MTR: variants seen among roughly 807,000 people sequenced by gnomAD.
The protein encoded by MTR is 5-methyltetrahydrofolate-homocysteine methyltransferase.
MTR carries 84 observed loss-of-function variants against 154.8 expected under a neutral mutation model. The observed-to-expected ratio is 0.54, with a 90% CI of 0.45 to 0.65. The LOEUF (loss-of-function observed/expected upper bound fraction) is 0.65. Ranked by LOEUF, MTR falls within the 30% of genes least tolerant of loss-of-function variation. The pLI, the probability that MTR is intolerant of heterozygous loss-of-function variation, is 0.00. For synonymous variants in MTR, 554 were observed against 553.9 expected (o/e 1.00, Z 0.00); for missense variants, 1,275 against 1,570.2 (o/e 0.81, Z 3.18).
In MTR at chr1:236,897,308, A is replaced by ATGCGCGCG. The variant is rs57608445; in HGVS notation, c.3711+190_3711+191insTGCGCGCG. On this transcript the variant is annotated intron_variant, in intron 32 of 32. Transcript: ENST00000366577. ...TCACTTCTACATGCAAGCCACACAC[A>ATGCGCGCG]CGCACACACACACACACACACACAC... is the stretch of plus-strand genomic sequence containing the variant. Among the ~76,000 whole-genome samples, 778 of 131,484 alleles carry ATGCGCGCG rather than the reference A, an allele frequency of 5.9e-3. 10 individuals are homozygous for ATGCGCGCG. The highest frequency in any genetic ancestry group is 0.013 in the East Asian group (59 of 4,406). The allele number at this position is 131,484 out of a possible 152,430, so 86.3% of individuals were successfully genotyped here.
intron 15 of MTR, among the ~76,000 whole-genome samples, chr1:236,840,706 T>C (rs1418125123): frequency 6.6e-6 from 1 of 152,226 alleles, no homozygotes; most frequent in Non-Finnish European, 1.5e-5. Flanking sequence ...TATTAGTGGA[T>C]TAAAACTCCA....
chr1:236,874,974 A>G (rs1339503457), intron 24 of MTR, 128 bp downstream of exon 24: 37 of 1,090,392 alleles, frequency 3.4e-5, no homozygotes, highest in Non-Finnish European at 4.7e-5. Flanking sequence ...TGTTATATAA[A>G]CACAAACATT....
At position 236,895,364 on chromosome 1, in the gene MTR, G is replaced by T; in HGVS notation, c.3412G>T (p.Ala1138Ser). ...TGCTGCTTTGGGTCCCAAGGCCTTT[G>T]CAGAAGAGCTCCATGAAAGAGTTCG... The part of the protein sequence containing the change: ...ALGDRLAEAF[A>S]EELHERVRRE... The change falls in exon 31 of 33, where the codon GCA becomes TCA. Residue 1138 changes from alanine to serine, a missense_variant. Coordinates refer to ENST00000366577, the MANE Select transcript of MTR (RefSeq NM_000254.3). 1 of 1,596,318 alleles carries T rather than the reference G, an allele frequency of 6.3e-7. No homozygotes were observed. The highest frequency in any genetic ancestry group is 1.1e-5 in the South Asian group (1 of 88,074).
intron 18 of MTR, among the ~76,000 whole-genome samples, chr1:236,855,669 C>G (rs1043005609): frequency 6.6e-6 from 1 of 152,292 alleles, no homozygotes; most frequent in South Asian, 2.1e-4. Flanking sequence ...CCGTGAGGCC[C>G]CTGTGAGGCA....
chr1:236,844,156 T>A (rs1663425782), intron 15 of MTR, among the ~76,000 whole-genome samples: 1 of 151,850 alleles, frequency 6.6e-6, no homozygotes, highest in Admixed American at 6.6e-5. Flanking sequence ...AAGAGAGAGT[T>A]CCCTTGGAAG....
intron 13 of MTR, among the ~76,000 whole-genome samples, chr1:236,833,878 T>C (rs775919854): frequency 6.6e-6 from 1 of 152,352 alleles, no homozygotes; most frequent in Non-Finnish European, 1.5e-5. Flanking sequence ...TACTATCTTA[T>C]CTCCTGTCTG....
rs764075438 is a variant in MTR, at chr1:236,795,588, C to T, written c.-116C>T. The T allele has an allele frequency of 6.3e-6, 10 of 1,590,548 alleles. No homozygotes were observed. The highest frequency in any genetic ancestry group is 5.2e-5 in the Admixed American group (3 of 58,190). ...AGCCAACGGGAGGCGTCAAAAGACC[C>T]GGGCCTTGTGTGGCAGGCTCGCCTG... is the stretch of plus-strand genomic sequence containing the variant. On this transcript the variant is annotated 5_prime_UTR_variant, in exon 1 of 33. Transcript: ENST00000366577.
At chr1:236,843,143 C>T (rs1037375971) in intron 15 of MTR, among the ~76,000 whole-genome samples, 2 of 149,296 alleles carry the variant, frequency 1.3e-5, no homozygotes, top group South Asian at 2.1e-4. Flanking sequence ...GTGTTGAATA[C>T]GGTAAAGGGA....
At chr1:236,885,062 A>C in intron 25 of MTR, 59 bp from the exon 26 acceptor site, 1 of 1,046,296 alleles carries the variant, frequency 9.6e-7, no homozygotes, top group Non-Finnish European at 1.5e-6. Context: ...ATCAGCATTG[A>C]CCATTACTAC....
In MTR at chr1:236,810,584, A is replaced by G. The variant is rs768925414; in HGVS notation, c.491A>G (p.Tyr164Cys). 2.5e-6 allele frequency: 4 copies of G among 1,613,308 alleles called. No individual in the cohort carries two copies. Among genetic ancestry groups the G allele is most frequent in the South Asian group, 2.2e-5 (2 of 91,074 alleles). ...TCCCCATCTGTGGAAAGGCCGGATT[A>G]TAGGAACATCAGTGAGTATTTACCA... ...SVSPSVERPD[Y>C]RNITFDELVE... is the part of the protein sequence containing the mutation. The change falls in exon 5 of 33, where the codon TAT (tyrosine) becomes TGT (cysteine). Residue 164 changes from tyrosine (Y) to cysteine (C), a missense_variant. Physicochemically the swap from Tyr to Cys is radical, Grantham distance 194. Coordinates refer to ENST00000366577, the MANE Select transcript of MTR (RefSeq NM_000254.3).
intron 25 of MTR, among the ~76,000 whole-genome samples, chr1:236,884,483 A>G (rs1665911673): frequency 6.6e-6 from 1 of 152,188 alleles, no homozygotes; most frequent in African/African-American, 2.4e-5. Context: ...TTGTTGTGAA[A>G]GGATATAGGT....
In MTR at chr1:236,829,174, C is replaced by T; in HGVS notation, c.996-15C>T. 6.3e-7 allele frequency: 1 copy of T among 1,596,394 alleles called. No homozygotes were observed. Among genetic ancestry groups the T allele is most frequent in the Non-Finnish European group, 8.6e-7 (1 of 1,164,048 alleles). ...TTCTGAATTAATGGATACAATGTTT[C>T]CTCTTTCAACTCAGGGAAATTGCTG... is the stretch of plus-strand genomic sequence containing the variant. On this transcript the variant is annotated splice_polypyrimidine_tract_variant and intron_variant, in intron 11 of 32. Coordinates refer to ENST00000366577, the MANE Select transcript of MTR (RefSeq NM_000254.3).
chr1:236,820,015 C>G lies in MTR; in HGVS notation c.764+3472C>G, dbSNP rs994019736. 4 of 998,174 alleles carry G rather than the reference C, an allele frequency of 4.0e-6. No homozygotes were observed. In the Admixed American group the frequency reaches 6.7e-5, roughly 17 times the overall value. The allele number at this position is 998,174 out of a possible 1,614,324, so 61.8% of individuals were successfully genotyped here. A position where few individuals can be genotyped will look rare whatever the true frequency, so the allele number is the denominator to read the frequency against. ...CCATGGCTTCTTGTGGTTACTGACT[C>G]GAGGGCTGACCAGCAGCCTCTCATG... On this transcript the variant is annotated intron_variant, in intron 8 of 32. Coordinates refer to ENST00000366577, the MANE Select transcript of MTR (RefSeq NM_000254.3).
chr1:236,839,596 C>A (rs1252578376), intron 15 of MTR, among the ~76,000 whole-genome samples: 2 of 152,132 alleles, frequency 1.3e-5, no homozygotes, highest in East Asian at 3.9e-4. Context: ...TCGTTCATCT[C>A]TGTGATACAC....
intron 15 of MTR, among the ~76,000 whole-genome samples, chr1:236,846,795 C>T (rs1046310912): frequency 1.3e-5 from 2 of 152,124 alleles, no homozygotes; most frequent in African/African-American, 4.8e-5. Flanking sequence ...TGGAAACTTC[C>T]TTTTCTTCAG....
At position 236,900,929 on chromosome 1, in the gene MTR, C is replaced by T. The variant is rs1484856739; in HGVS notation, c.*3285C>T. ...TCGATGTGACTAGACTGAATATAGG[C>T]AGTTGGATACTAGACTTTGGAATTT... On this transcript the variant is annotated 3_prime_UTR_variant, in exon 33 of 33. Coordinates refer to ENST00000366577, the MANE Select transcript of MTR (RefSeq NM_000254.3). 6.6e-6 allele frequency: 1 copy of T among 152,586 alleles called. No homozygotes were observed. Among genetic ancestry groups the T allele is most frequent in the East Asian group, 1.9e-4 (1 of 5,198 alleles). The allele number at this position is 152,586 out of a possible 1,614,324, so 9.5% of individuals were successfully genotyped here.
At chr1:236,885,100 A>G (rs752515968) in intron 25 of MTR, 21 bp from the exon 26 acceptor site, 23 of 1,472,530 alleles carry the variant, frequency 1.6e-5, no homozygotes, top group African/African-American at 4.2e-5. Context: ...TTGCTCATCT[A>G]TGGCTATCTT....
In MTR at chr1:236,873,498, T is replaced by C. The variant is rs74146657; in HGVS notation, c.2406-275T>C. On this transcript the variant is annotated intron_variant, in intron 22 of 32. Coordinates refer to ENST00000366577, the MANE Select transcript of MTR (RefSeq NM_000254.3). ...TAAAAAAATAACATACCAGAAACCATTGAATTGCACACTTGAAATGGGTGA... is the reference window on the plus strand; with the variant it reads ...TAAAAAAATAACATACCAGAAACCACTGAATTGCACACTTGAAATGGGTGA... Among the ~76,000 whole-genome samples the C allele has an allele frequency of 0.029, 4,486 of 152,262 alleles. 225 individuals are homozygous for C. Among genetic ancestry groups the C allele is most frequent in the African/African-American group, 0.1 (4,189 of 41,524 alleles).
chr1:236,837,160 A>G (rs1195643392), intron 14 of MTR, among the ~76,000 whole-genome samples: 1 of 152,218 alleles, frequency 6.6e-6, no homozygotes, highest in African/African-American at 2.4e-5. Context: ...AACTATCAGC[A>G]AGCAAATACA....
Sources: allele counts gnomAD v4.1 joint callset (sites outside exome capture counted in the v4.1 genomes callset), GRCh38; gene constraint gnomAD v4.1.1; transcripts MANE v1.5; gene names NCBI Gene and HGNC (gene_info 2026-07-23, HGNC 2026-07-21).